The following UGT1A8 variants were observed in gnomAD, a reference collection of about 807,000 sequenced individuals.
The protein encoded by UGT1A8 is UDP-glucuronosyltransferase 1A8.
In UGT1A8, 39 loss-of-function variants were observed where a neutral mutation model predicts 45.3. The ratio of observed to expected loss-of-function variants is 0.86; its 90% CI spans 0.67 to 1.12. UGT1A8 has a LOEUF of 1.12. UGT1A8 is among the 50% of genes most tolerant of loss of function. UGT1A8 has a pLI of 0.00. For missense variants in UGT1A8, 719 were observed against 664.9 expected, an observed-to-expected ratio of 1.08 and a Z score of -0.90; for synonymous variants, 275 against 249.2, an observed-to-expected ratio of 1.10 and a Z score of -0.97.
At chr2:233,756,794 A>G (rs1409639482) in intron 1 of UGT1A8, among the ~76,000 whole-genome samples, 1 of 152,086 alleles carries the variant, frequency 6.6e-6, no homozygotes, top group Admixed American at 6.5e-5. Flanking sequence ...GTGGGGCAAT[A>G]CACTAGTAAA....
At chr2:233,649,210 A>G (rs971612317) in intron 1 of UGT1A8, among the ~76,000 whole-genome samples, 2 of 152,224 alleles carry the variant, frequency 1.3e-5, no homozygotes, top group Non-Finnish European at 2.9e-5. Flanking sequence ...GGCCTCGTTA[A>G]TATGTATGTG....
chr2:233,656,204 C>T (rs901165353), intron 1 of UGT1A8, among the ~76,000 whole-genome samples: 3 of 152,156 alleles, frequency 2.0e-5, no homozygotes, highest in Non-Finnish European at 2.9e-5. Context: ...CCGTGTTCAC[C>T]CTGGGGTGGA....
At chr2:233,686,989 C>T (rs2074816060) in intron 1 of UGT1A8, among the ~76,000 whole-genome samples, 1 of 152,178 alleles carries the variant, frequency 6.6e-6, no homozygotes, top group Admixed American at 6.5e-5. Context: ...TACCCCAAGT[C>T]TTGGTTTCAA....
intron 1 of UGT1A8, among the ~76,000 whole-genome samples, chr2:233,748,545 C>G (rs949815258): frequency 1.3e-5 from 2 of 151,744 alleles, no homozygotes; most frequent in African/African-American, 4.9e-5. Context: ...CACAGGAGAC[C>G]TAAGCACTCG....
chr2:233,719,580 G>C, intron 1 of UGT1A8: 1 of 1,613,916 alleles, frequency 6.2e-7, no homozygotes, highest in Non-Finnish European at 8.5e-7. Context: ...CTATGCATCC[G>C]TGTGGCTGTT....
At chr2:233,743,998 C>T (rs1199821485) in intron 1 of UGT1A8, 12 of 1,233,642 alleles carry the variant, frequency 9.7e-6, no homozygotes, top group African/African-American at 6.3e-5. Flanking sequence ...CCCGAGTGCT[C>T]GGAGACCTGG....
chr2:233,626,388 A>G (rs2073084107), intron 1 of UGT1A8, among the ~76,000 whole-genome samples: 1 of 151,960 alleles, frequency 6.6e-6, no homozygotes, highest in African/African-American at 2.4e-5. Context: ...CTATCAGGTC[A>G]TCTATTAATT....
In UGT1A8 at chr2:233,769,879, A is replaced by C; in HGVS notation, c.1295+1440A>C. 5 of 413,904 alleles carry C rather than the reference A, an allele frequency of 1.2e-5. No individual in the cohort carries two copies. The highest frequency in any genetic ancestry group is 4.6e-5 in the East Asian group (1 of 21,696). 25.6% of individuals were successfully genotyped at this position (413,904 alleles called of 1,614,324 possible). ...TCTCAAAAAAAAAAAAAAAAATGAA[A>C]AGTCCACATAACCTGAGCATCATGT... On this transcript the variant is annotated intron_variant, in intron 4 of 4. Coordinates refer to ENST00000373450, the MANE Select transcript of UGT1A8 (RefSeq NM_019076.5). The surrounding 1 kb of genome is among the most constrained non-coding windows in gnomAD (Gnocchi z 4.4).
intron 1 of UGT1A8, among the ~76,000 whole-genome samples, chr2:233,627,516 G>A (rs538348831): frequency 6.6e-6 from 1 of 152,056 alleles, no homozygotes; most frequent in South Asian, 2.1e-4. Context: ...CGTTAAAGCT[G>A]CATTTTCAAT....
intron 1 of UGT1A8, among the ~76,000 whole-genome samples, chr2:233,627,624 TC>T (rs2073108346): frequency 1.8e-5 from 2 of 111,934 alleles, no homozygotes; most frequent in Admixed American, 9.8e-5. Context: ...TTCCTTCCTT[TC>T]TTCCTTCCTT....
chr2:233,747,006 G>A (rs563411016), intron 1 of UGT1A8, among the ~76,000 whole-genome samples: 4 of 151,972 alleles, frequency 2.6e-5, no homozygotes, highest in Admixed American at 2.0e-4. Flanking sequence ...TTTTCAAGTA[G>A]GAGTGATCGG....
intron 1 of UGT1A8, chr2:233,743,569 T>C (rs974809984): frequency 7.3e-7 from 1 of 1,367,258 alleles, no homozygotes; most frequent in Non-Finnish European, 9.8e-7. Context: ...CCAGCGGGTT[T>C]CCCAAGAGGT....
At chr2:233,731,284 C>CTTTTTTTTTTT (rs78127606) in intron 1 of UGT1A8, among the ~76,000 whole-genome samples, 1 of 139,762 alleles carries the variant, frequency 7.2e-6, no homozygotes. Flanking sequence ...GTTTTTCTTT[C>CTTTTTTTTTTT]TTTTTTTTTT....
At chr2:233,690,438 C>T (rs2074990341) in intron 1 of UGT1A8, 2 of 1,277,062 alleles carry the variant, frequency 1.6e-6, no homozygotes, top group African/African-American at 1.5e-5. Flanking sequence ...CTTTGGGTCT[C>T]TCCTCTATTC....
intron 1 of UGT1A8, among the ~76,000 whole-genome samples, chr2:233,738,366 T>C (rs1389802664): frequency 6.6e-6 from 1 of 152,176 alleles, no homozygotes; most frequent in African/African-American, 2.4e-5. Context: ...GGTACTGCTA[T>C]AAAACTACTT....
chr2:233,700,584 A>G (rs938038590), intron 1 of UGT1A8, among the ~76,000 whole-genome samples: 1 of 152,218 alleles, frequency 6.6e-6, no homozygotes, highest in Non-Finnish European at 1.5e-5. Flanking sequence ...GATGCAATTT[A>G]TTATGATACA....
chr2:233,668,452 C>G lies in UGT1A8; in HGVS notation c.855+49890C>G, dbSNP rs534272894. ...TGCCACATTTTCTTAATCCAGTCTA[C>G]CACTGATGGACATTTGGGTTGCTTC... On this transcript the variant is annotated intron_variant, in intron 1 of 4. Transcript: ENST00000373450. Among the ~76,000 whole-genome samples, 8 of 152,288 alleles carry G rather than the reference C, an allele frequency of 5.3e-5. No individual in the cohort carries two copies. The South Asian group carries it at 1.7e-3, about 32-fold the overall frequency.
At chr2:233,618,983 C>T (rs1478699038) in intron 1 of UGT1A8, among the ~76,000 whole-genome samples, 12 of 152,056 alleles carry the variant, frequency 7.9e-5, no homozygotes, top group African/African-American at 2.2e-4. Context: ...ATTTAGCCCA[C>T]GTTTTTGAGT....
At chr2:233,706,372 T>C (rs2075905124) in intron 1 of UGT1A8, among the ~76,000 whole-genome samples, 1 of 152,222 alleles carries the variant, frequency 6.6e-6, no homozygotes, top group South Asian at 2.1e-4. Flanking sequence ...TAGGCCATTG[T>C]ACAAAAGCAG....
Sources: allele counts gnomAD v4.1 joint callset (sites outside exome capture counted in the v4.1 genomes callset), GRCh38; gene constraint gnomAD v4.1.1; non-coding constraint Gnocchi (gnomAD v3.1); transcripts MANE v1.5; gene names NCBI Gene and HGNC (gene_info 2026-07-23, HGNC 2026-07-21).